Variants in MAP4 observed in about 807,000 individuals in gnomAD.
MAP4 encodes the protein microtubule-associated protein 4.
In MAP4, 76 loss-of-function variants were observed where a neutral mutation model predicts 170.2. That is an observed-to-expected ratio of 0.45 (90% CI 0.37 to 0.54). The LOEUF is 0.54. MAP4 is among the 20% of genes least tolerant of loss of function. The pLI is 0.00. For synonymous variants in MAP4, 909 were observed against 994.5 expected (o/e 0.91, Z 1.62); for missense variants, 2,506 against 2,748.0 (o/e 0.91, Z 1.97).
chr3:47,952,042 AC>A (rs2100064505), intron 3 of MAP4, among the ~76,000 whole-genome samples: 1 of 135,454 alleles, frequency 7.4e-6, no homozygotes, highest in Admixed American at 7.4e-5. Context: ...CCCGGCCGCG[AC>A]CCCGTCTGGG....
intron 3 of MAP4, among the ~76,000 whole-genome samples, chr3:47,937,272 T>C (rs750089339): frequency 2.6e-5 from 4 of 152,198 alleles, no homozygotes; most frequent in Non-Finnish European, 5.9e-5. Flanking sequence ...CTTGGTCATT[T>C]AAGTAGATGA....
At chr3:48,055,210 CCG>C (rs1332658697) in intron 1 of MAP4, among the ~76,000 whole-genome samples, 17 of 141,450 alleles carry the variant, frequency 1.2e-4, no homozygotes, top group African/African-American at 4.7e-4. Context: ...GTCTCCGTCT[CCG>C]TCTCCGTCTC....
At chr3:47,889,000 T>A (rs2098132884) in intron 10 of MAP4, among the ~76,000 whole-genome samples, 1 of 152,196 alleles carries the variant, frequency 6.6e-6, no homozygotes. Flanking sequence ...ATGACAGTCA[T>A]GCAACATCGG....
chr3:47,938,915 CATT>C (rs1399045276), intron 3 of MAP4, among the ~76,000 whole-genome samples: 1 of 152,214 alleles, frequency 6.6e-6, no homozygotes, highest in Non-Finnish European at 1.5e-5. Flanking sequence ...CAACACAAAA[CATT>C]ATTACGGCAA....
intron 1 of MAP4, among the ~76,000 whole-genome samples, chr3:48,043,772 A>G (rs1354889263): frequency 6.6e-6 from 1 of 152,212 alleles, no homozygotes; most frequent in Non-Finnish European, 1.5e-5. Flanking sequence ...CAAAACCGTA[A>G]AAGTAAGAAT....
intron 1 of MAP4, among the ~76,000 whole-genome samples, chr3:48,051,160 C>T (rs886784695): frequency 2.0e-5 from 3 of 151,566 alleles, no homozygotes; most frequent in Admixed American, 2.0e-4. Flanking sequence ...TGCCTGTAAT[C>T]CCAGCACTTT....
intron 1 of MAP4, among the ~76,000 whole-genome samples, chr3:48,015,403 T>G (rs971811866): frequency 1.3e-5 from 2 of 152,184 alleles, no homozygotes; most frequent in Admixed American, 1.3e-4. Context: ...AAGCCAACAC[T>G]AAGCTGCTAT....
Position 47,919,347 on chromosome 3 carries a change from G to T in MAP4, c.530-506C>A, listed in dbSNP as rs931146199. Among the ~76,000 whole-genome samples the T allele has an allele frequency of 2.0e-5, 3 of 151,114 alleles. No individual in the cohort carries two copies. In the East Asian group the frequency reaches 5.9e-4, roughly 30 times the overall value. ...TTTTGAGACAGAGTCTCGCACTGTCGCCTGGGCTGGAGTGCAATGGCACGA... is the reference window on the plus strand; with the variant it reads ...TTTTGAGACAGAGTCTCGCACTGTCTCCTGGGCTGGAGTGCAATGGCACGA... On this transcript the variant is annotated intron_variant, in intron 5 of 20. Coordinates refer to ENST00000683076, the MANE Select transcript of MAP4 (RefSeq NM_001385682.1).
intron 3 of MAP4, among the ~76,000 whole-genome samples, chr3:47,944,693 A>T (rs1159393502): frequency 6.6e-6 from 1 of 151,566 alleles, no homozygotes; most frequent in African/African-American, 2.4e-5. Flanking sequence ...TTCTCTCCTC[A>T]TTTCTCCCCC....
intron 5 of MAP4, among the ~76,000 whole-genome samples, chr3:47,919,914 GTTT>G (rs2100041841): frequency 8.1e-6 from 1 of 123,138 alleles, no homozygotes; most frequent in African/African-American, 3.7e-5. Context: ...CTTTGTAGCA[GTTT>G]TGTTGTTGTT....
chr3:47,987,749 G>T (rs184630731), intron 2 of MAP4, among the ~76,000 whole-genome samples: 1 of 152,298 alleles, frequency 6.6e-6, no homozygotes, highest in Admixed American at 6.5e-5. Flanking sequence ...AAAACCCCTG[G>T]AGTAATACTG....
chr3:48,046,995 G>A (rs1188802296), intron 1 of MAP4, among the ~76,000 whole-genome samples: 1 of 151,982 alleles, frequency 6.6e-6, no homozygotes, highest in Non-Finnish European at 1.5e-5. Flanking sequence ...TCGGGAGGCT[G>A]AGGCAGGAGA....
chr3:47,920,694 G>C (rs1191745462), intron 5 of MAP4, among the ~76,000 whole-genome samples: 2 of 152,116 alleles, frequency 1.3e-5, no homozygotes, highest in Non-Finnish European at 2.9e-5. Context: ...TGAGACTACA[G>C]GCATGTGCCA....
intron 3 of MAP4, among the ~76,000 whole-genome samples, chr3:47,965,040 C>T (rs1263248248): frequency 6.6e-6 from 1 of 152,140 alleles, no homozygotes; most frequent in Non-Finnish European, 1.5e-5. Context: ...CCCCTGGGAA[C>T]CACCATTCTA....
At chr3:48,014,546 C>A (rs1049526145) in intron 1 of MAP4, among the ~76,000 whole-genome samples, 1 of 152,128 alleles carries the variant, frequency 6.6e-6, no homozygotes, top group African/African-American at 2.4e-5. Flanking sequence ...GTAGTCCCTG[C>A]TACTCAGGAG....
chr3:47,911,874 A>G lies in MAP4; in HGVS notation c.2547T>C (p.Phe849=), dbSNP rs2100036127. The G allele has an allele frequency of 6.5e-7, 1 of 1,536,002 alleles. No homozygotes were observed. Among genetic ancestry groups the G allele is most frequent in the Admixed American group, 2.0e-5 (1 of 50,978 alleles). ...SSAARLVAEN[F]VSESLRIPLY... ...AAGGAATTCTGAGACTCTCTGAGAC[A>G]AAGTTCTCAGCTACCAGTCTGGCTG... The change falls in exon 9 of 21, where the codon TTT becomes TTC. Residue 849 remains phenylalanine (F), a synonymous_variant. Transcript: ENST00000683076. The surrounding 1 kb of genome is among the most constrained non-coding windows in gnomAD (Gnocchi z 4.0).
In MAP4 at chr3:47,918,247, G is replaced by A. The variant is rs192740600; in HGVS notation, c.652+472C>T. Among the ~76,000 whole-genome samples the A allele has an allele frequency of 2.0e-3, 310 of 152,262 alleles. 1 individual carries two copies. The highest frequency in any genetic ancestry group is 7.0e-3 in the African/African-American group (292 of 41,540). On this transcript the variant is annotated intron_variant, in intron 6 of 20. Coordinates refer to ENST00000683076, the MANE Select transcript of MAP4 (RefSeq NM_001385682.1). ...GATCTGCCCGCCTTGGCCTCCCAAA[G>A]TGTTGGGATTACAGGCGTGAGCCAC...
At chr3:47,993,215 T>C (rs999881627) in intron 2 of MAP4, among the ~76,000 whole-genome samples, 1 of 152,084 alleles carries the variant, frequency 6.6e-6, no homozygotes, top group South Asian at 2.1e-4. Context: ...TCCCAGCTAC[T>C]TGGAAGGCTG....
chr3:47,974,379 C>T (rs1363242559), intron 3 of MAP4: 11 of 743,790 alleles, frequency 1.5e-5, no homozygotes, highest in Non-Finnish European at 1.8e-5. Flanking sequence ...AAGCCAAGAT[C>T]GCGCCACCGC....
Sources: allele counts gnomAD v4.1 joint callset (sites outside exome capture counted in the v4.1 genomes callset), GRCh38; gene constraint gnomAD v4.1.1; non-coding constraint Gnocchi (gnomAD v3.1); transcripts MANE v1.5; gene names NCBI Gene and HGNC (gene_info 2026-07-23, HGNC 2026-07-21).